Variants in MAP4K4 observed in about 807,000 individuals in gnomAD.
MAP4K4 encodes the protein HPK/GCK-like kinase HGK.
A neutral mutation model predicts 189.6 loss-of-function variants in MAP4K4; 38 were observed. That is an observed-to-expected ratio of 0.20 (90% confidence interval 0.15 to 0.26). The LOEUF (loss-of-function observed/expected upper bound fraction) is 0.26, where lower values mean the gene tolerates loss of function less well. Ranked by LOEUF, MAP4K4 falls within the 10% of genes least tolerant of loss-of-function variation. The probability of loss-of-function intolerance (pLI) is 1.00; values close to 1 mark genes in which losing one functional copy is unlikely to be tolerated. For missense variants in MAP4K4, 1,054 were observed against 1,726.9 expected, an observed-to-expected ratio of 0.61 and a Z score of 6.91; for synonymous variants, 610 against 624.3, an observed-to-expected ratio of 0.98 and a Z score of 0.34.
intron 2 of MAP4K4, among the ~76,000 whole-genome samples, chr2:101,701,557 A>C (rs568403964): frequency 6.6e-6 from 1 of 152,290 alleles, no homozygotes; most frequent in Admixed American, 6.5e-5. Context: ...TTTGGGGATA[A>C]CTTCTAATTT....
chr2:101,885,390 A>G (rs1577419988), intron 29 of MAP4K4, 103 bp downstream of exon 29: 1 of 657,016 alleles, frequency 1.5e-6, no homozygotes, highest in East Asian at 2.8e-5. Flanking sequence ...TTGCTAATAT[A>G]AAAGCTATGT....
rs764109396 is a variant in MAP4K4, at chr2:101,792,627, C to CCTTCTT, written c.180+1855_180+1860dup. Reference sequence around the variant, plus strand: ...TCCTCCTCCTCCTCCTCCTCCTCCTCCTTCTTCTTTCTTCTTCTTATTTTT... The same window carrying CCTTCTT: ...TCCTCCTCCTCCTCCTCCTCCTCCTCCTTCTTCTTCTTCTTTCTTCTTCTTATTTTT... On this transcript the variant is annotated intron_variant, in intron 3 of 32. Coordinates refer to ENST00000324219, the Ensembl canonical transcript of MAP4K4. Among the ~76,000 whole-genome samples, 174 of 141,658 alleles carry CCTTCTT rather than the reference C, an allele frequency of 1.2e-3. 1 individual carries two copies. The highest frequency in any genetic ancestry group is 1.9e-3 in the Non-Finnish European group (122 of 63,372). The allele number at this position is 141,658 out of a possible 152,430, so 92.9% of individuals were successfully genotyped here.
intron 10 of MAP4K4, 69 bp from the exon 11 acceptor site, chr2:101,842,540 A>T (rs115563932): frequency 9.0e-7 from 1 of 1,112,584 alleles, no homozygotes; most frequent in African/African-American, 1.6e-5. Context: ...GCTCCTGCAG[A>T]TGCTTGTCTG....
chr2:101,874,277 C>T (rs751607714), intron 26 of MAP4K4, 25 bp downstream of exon 26: 1 of 1,586,456 alleles, frequency 6.3e-7, no homozygotes, highest in South Asian at 1.1e-5. Flanking sequence ...ACTACTCCAA[C>T]ACTTTCATTT....
intron 3 of MAP4K4, among the ~76,000 whole-genome samples, chr2:101,805,195 C>A (rs2149049210): frequency 6.6e-6 from 1 of 151,876 alleles, no homozygotes; most frequent in Admixed American, 6.6e-5. Flanking sequence ...CATAACTCTT[C>A]AATGGACCAG....
At chr2:101,771,167 C>T (rs1371211028) in intron 2 of MAP4K4, among the ~76,000 whole-genome samples, 4 of 152,132 alleles carry the variant, frequency 2.6e-5, no homozygotes, top group Admixed American at 1.3e-4. Context: ...TCAGCCTGTC[C>T]TAAGGTTGGG....
intron 3 of MAP4K4, among the ~76,000 whole-genome samples, chr2:101,813,749 TG>T (rs1268876015): frequency 6.6e-6 from 1 of 152,222 alleles, no homozygotes; most frequent in African/African-American, 2.4e-5. Flanking sequence ...ACTTACATCG[TG>T]GGCTAGAAAT....
intron 14 of MAP4K4, 32 bp downstream of exon 14, chr2:101,859,114 A>G (rs760821043): frequency 3.8e-6 from 6 of 1,579,720 alleles, no homozygotes; most frequent in Non-Finnish European, 5.2e-6. Context: ...ATTCTGTAGC[A>G]TCAGGGCTCC....
At chr2:101,785,957 C>G (rs1472334122) in intron 2 of MAP4K4, among the ~76,000 whole-genome samples, 1 of 152,034 alleles carries the variant, frequency 6.6e-6, no homozygotes, top group Non-Finnish European at 1.5e-5. Flanking sequence ...CCCCGAGTAG[C>G]TGGGATTATA....
At chr2:101,833,619 CAAA>C (rs373529950) in intron 7 of MAP4K4, among the ~76,000 whole-genome samples, 6 of 64,638 alleles carry the variant, frequency 9.3e-5, no homozygotes, top group Admixed American at 1.7e-4. Flanking sequence ...GACTCCATCT[CAAA>C]AAAAAAAAAA....
chr2:101,863,617 A>G (rs1424353648), intron 16 of MAP4K4, among the ~76,000 whole-genome samples: 3 of 152,166 alleles, frequency 2.0e-5, no homozygotes, highest in Non-Finnish European at 2.9e-5. Context: ...TTGTAAATGT[A>G]CATTTGTTCT....
chr2:101,854,323 G>A (rs1180946960), intron 12 of MAP4K4, among the ~76,000 whole-genome samples: 1 of 152,200 alleles, frequency 6.6e-6, no homozygotes, highest in African/African-American at 2.4e-5. Context: ...CATTAAAGTT[G>A]TAGTTTTTAG....
At chr2:101,721,435 CTTTT>C (rs397872119) in intron 2 of MAP4K4, among the ~76,000 whole-genome samples, 1 of 131,550 alleles carries the variant, frequency 7.6e-6, no homozygotes, top group Non-Finnish European at 1.6e-5. Context: ...TAGTATATTG[CTTTT>C]TTTTTTTTTT....
chr2:101,754,040 T>C (rs1455025089), intron 2 of MAP4K4, among the ~76,000 whole-genome samples: 2 of 152,114 alleles, frequency 1.3e-5, no homozygotes, highest in East Asian at 1.9e-4. Context: ...TGGCATTTGG[T>C]TTTCTTTCTT....
Position 101,712,123 on chromosome 2 carries a change from A to G in MAP4K4, c.123+13585A>G, listed in dbSNP as rs572200053. 3.3e-5 allele frequency among the ~76,000 whole-genome samples: 5 copies of G among 151,898 alleles called. 1 individual carries two copies. The South Asian group carries it at 1.0e-3, about 32-fold the overall frequency. Reference sequence around the variant, plus strand: ...CCTTCAAATGATATTATACCTTACTATGGTATACCTCCATTTCTACCCACT... The same window carrying G: ...CCTTCAAATGATATTATACCTTACTGTGGTATACCTCCATTTCTACCCACT... On this transcript the variant is annotated intron_variant, in intron 2 of 32. Transcript: ENST00000324219.
intron 12 of MAP4K4, among the ~76,000 whole-genome samples, chr2:101,848,332 G>A (rs1410733241): frequency 6.6e-6 from 1 of 152,178 alleles, no homozygotes; most frequent in East Asian, 1.9e-4. Context: ...AAGGTTGGTC[G>A]AATCCATGTG....
chr2:101,823,410 C>T (rs2096193009), intron 3 of MAP4K4, among the ~76,000 whole-genome samples: 1 of 152,346 alleles, frequency 6.6e-6, no homozygotes, highest in African/African-American at 2.4e-5. Flanking sequence ...GACTACACCT[C>T]CAGCCTGCGT....
intron 8 of MAP4K4, among the ~76,000 whole-genome samples, chr2:101,835,061 A>C (rs1576474690): frequency 6.6e-6 from 1 of 152,256 alleles, no homozygotes; most frequent in Admixed American, 6.5e-5. Context: ...GGCACGGCAC[A>C]TAGTTGCTGC....
At chr2:101,851,713 G>A (rs2097288881) in intron 12 of MAP4K4, among the ~76,000 whole-genome samples, 1 of 128,022 alleles carries the variant, frequency 7.8e-6, no homozygotes, top group African/African-American at 2.8e-5. Flanking sequence ...AGAGAAGTTG[G>A]TAACTGTCCT....
Sources: allele counts gnomAD v4.1 joint callset (sites outside exome capture counted in the v4.1 genomes callset), GRCh38; gene constraint gnomAD v4.1.1; transcripts MANE v1.5; gene names NCBI Gene and HGNC (gene_info 2026-07-23, HGNC 2026-07-21).